Variants in SLC25A48 observed in about 807,000 individuals in gnomAD.
SLC25A48 encodes the protein CTC-321K16.1.
In SLC25A48, 29 loss-of-function variants were observed where a neutral mutation model predicts 32.2. The ratio of observed to expected loss-of-function variants is 0.90; its 90% CI spans 0.67 to 1.23. The LOEUF is 1.23. SLC25A48 is among the 50% of genes most tolerant of loss of function. SLC25A48 has a pLI of 0.00. For missense variants in SLC25A48, 399 were observed against 422.7 expected (o/e 0.94, Z 0.49); for synonymous variants, 164 against 172.3 (o/e 0.95, Z 0.38).
chr5:135,804,309 C>T (rs569649328), intron 3 of SLC25A48, among the ~76,000 whole-genome samples: 1 of 151,870 alleles, frequency 6.6e-6, no homozygotes, highest in East Asian at 1.9e-4. Flanking sequence ...AGGGTTTCCA[C>T]ACATGGTGTA....
intron 3 of SLC25A48, among the ~76,000 whole-genome samples, chr5:135,713,043 T>G (rs1305976327): frequency 7.2e-5 from 11 of 152,200 alleles, no homozygotes; most frequent in African/African-American, 2.4e-4. Flanking sequence ...ACTTATATTT[T>G]GGGTTTAACG....
At chr5:135,842,571 A>G in intron 2 of SLC25A48, 112 bp downstream of exon 2, 1 of 1,143,380 alleles carries the variant, frequency 8.7e-7, no homozygotes, top group Non-Finnish European at 1.3e-6. Context: ...CCCAGGGCAG[A>G]CTCTCTGTTG....
At chr5:135,738,212 A>G (rs1755421017) in intron 3 of SLC25A48, among the ~76,000 whole-genome samples, 1 of 152,174 alleles carries the variant, frequency 6.6e-6, no homozygotes, top group South Asian at 2.1e-4. Flanking sequence ...AAAGCAGATC[A>G]AGTGCACTCA....
At chr5:135,683,423 C>CTTAG (rs1370232374) in intron 3 of SLC25A48, among the ~76,000 whole-genome samples, 1 of 152,236 alleles carries the variant, frequency 6.6e-6, no homozygotes, top group Admixed American at 6.5e-5. Context: ...TTCTTGCTGA[C>CTTAG]TTAGCAATTC....
In SLC25A48 at chr5:135,587,331, T is replaced by C. The variant is rs548870544; in HGVS notation, c.-849+7734T>C. 1.1e-3 allele frequency among the ~76,000 whole-genome samples: 172 copies of C among 152,382 alleles called. 3 individuals are homozygous for C. The highest frequency in any genetic ancestry group is 7.8e-3 in the Admixed American group (119 of 15,304). Reference sequence around the variant, plus strand: ...TACAGGTGTGAGCCACCATGCCCTGTCTTTCATAAAAGTTTTTGTCTTCTT... The same window carrying C: ...TACAGGTGTGAGCCACCATGCCCTGCCTTTCATAAAAGTTTTTGTCTTCTT... On this transcript the variant is annotated intron_variant, in intron 1 of 10. Transcript: ENST00000646290.
chr5:135,734,026 A>C (rs1490466138), intron 3 of SLC25A48, among the ~76,000 whole-genome samples: 1 of 149,098 alleles, frequency 6.7e-6, no homozygotes, highest in Non-Finnish European at 1.5e-5. Flanking sequence ...AATTGTAAGG[A>C]GAGATTTTAG....
chr5:135,732,366 C>T lies in SLC25A48; in HGVS notation c.-520-80157C>T, dbSNP rs151142335. ...TCTGACAAAAGGGAAGAAATGACCA[C>T]GGTGGCCTTCTGAGGCCCTGTGGGA... On this transcript the variant is annotated intron_variant, in intron 3 of 10. Coordinates refer to the SLC25A48 transcript ENST00000646290. Among the ~76,000 whole-genome samples, 76 of 152,282 alleles carry T rather than the reference C, an allele frequency of 5.0e-4. 1 individual carries two copies. In the East Asian group the frequency reaches 0.013, roughly 26 times the overall value.
At chr5:135,884,000 G>C (rs1244770773) in intron 7 of SLC25A48, among the ~76,000 whole-genome samples, 3 of 152,174 alleles carry the variant, frequency 2.0e-5, no homozygotes, top group African/African-American at 7.2e-5. Flanking sequence ...GATGAGCTGA[G>C]TGGCGCCTCA....
intron 1 of SLC25A48, among the ~76,000 whole-genome samples, chr5:135,837,290 A>G (rs1758617920): frequency 6.6e-6 from 1 of 152,128 alleles, no homozygotes; most frequent in Admixed American, 6.5e-5. Flanking sequence ...AGGAGGGGAT[A>G]AGAGGGGACA....
chr5:135,632,983 GT>G (rs1326457086), intron 2 of SLC25A48, among the ~76,000 whole-genome samples: 1 of 152,188 alleles, frequency 6.6e-6, no homozygotes, highest in Non-Finnish European at 1.5e-5. Context: ...AAGGCTGGCT[GT>G]CAGAGTTCAA....
At chr5:135,697,030 A>G (rs1310786734) in intron 3 of SLC25A48, among the ~76,000 whole-genome samples, 9 of 152,316 alleles carry the variant, frequency 5.9e-5, no homozygotes, top group Admixed American at 1.3e-4. Flanking sequence ...GTGTTTAAAA[A>G]GCTCTATTTA....
intron 1 of SLC25A48, among the ~76,000 whole-genome samples, chr5:135,839,439 G>T (rs1205664337): frequency 1.3e-5 from 2 of 152,146 alleles, no homozygotes; most frequent in Admixed American, 1.3e-4. Context: ...TGGAACAGGT[G>T]TATTTACCCA....
At chr5:135,751,651 T>C (rs1488752698) in intron 3 of SLC25A48, among the ~76,000 whole-genome samples, 1 of 152,042 alleles carries the variant, frequency 6.6e-6, no homozygotes, top group Non-Finnish European at 1.5e-5. Context: ...CTGGGCAACA[T>C]AGTGAGACCC....
intron 3 of SLC25A48, among the ~76,000 whole-genome samples, chr5:135,749,135 T>C (rs962481494): frequency 1.3e-5 from 2 of 152,110 alleles, no homozygotes; most frequent in African/African-American, 2.4e-5. Context: ...GATCTCTCTT[T>C]TGTCTCTAGT....
chr5:135,863,304 G>T (rs1182843806), intron 4 of SLC25A48, among the ~76,000 whole-genome samples: 1 of 152,196 alleles, frequency 6.6e-6, no homozygotes, highest in African/African-American at 2.4e-5. Context: ...GCTGCTGGAG[G>T]GGCAGACTTG....
At chr5:135,792,825 C>T (rs1379838828) in intron 3 of SLC25A48, among the ~76,000 whole-genome samples, 1 of 151,352 alleles carries the variant, frequency 6.6e-6, no homozygotes, top group Non-Finnish European at 1.5e-5. Flanking sequence ...CCTAATATTA[C>T]AGTCAGTGTA....
rs1442766167 is a variant in SLC25A48, at chr5:135,665,727, G to C, written c.-521+30771G>C. Among the ~76,000 whole-genome samples the C allele has an allele frequency of 3.3e-5, 5 of 149,546 alleles. No homozygotes were observed. In the East Asian group the frequency reaches 9.7e-4, roughly 29 times the overall value. On this transcript the variant is annotated intron_variant, in intron 3 of 10. Coordinates refer to the SLC25A48 transcript ENST00000646290. ...TGTATGCTTTGATAAATGACTTTTT[G>C]ATACTAAATTTTCTTAAACACTCTT...
chr5:135,860,938 C>A (rs1219576395), intron 4 of SLC25A48, among the ~76,000 whole-genome samples: 1 of 152,108 alleles, frequency 6.6e-6, no homozygotes. Flanking sequence ...GAGGTGAGAG[C>A]CCAGCTCAGG....
At chr5:135,631,862 T>A (rs1265640938) in intron 2 of SLC25A48, among the ~76,000 whole-genome samples, 1 of 152,238 alleles carries the variant, frequency 6.6e-6, no homozygotes, top group African/African-American at 2.4e-5. Context: ...TAAATTTAAA[T>A]GGGTGTAACT....
Sources: allele counts gnomAD v4.1 joint callset (sites outside exome capture counted in the v4.1 genomes callset), GRCh38; gene constraint gnomAD v4.1.1; transcripts MANE v1.5; gene names NCBI Gene and HGNC (gene_info 2026-07-23, HGNC 2026-07-21).